CCAR1: variants seen among roughly 807,000 people sequenced by gnomAD.
CCAR1 encodes the protein cell division cycle and apoptosis regulator 1, also known as cell division cycle and apoptosis regulator protein 1.
In CCAR1, 78 loss-of-function variants were observed where a neutral mutation model predicts 163.8. The ratio of observed to expected loss-of-function variants is 0.48; its 90% confidence interval spans 0.40 to 0.57. The LOEUF is 0.57. CCAR1 is among the 20% of genes least tolerant of loss of function. The pLI, the probability that CCAR1 is intolerant of heterozygous loss-of-function variation, is 0.00. For synonymous variants in CCAR1, 443 were observed against 460.7 expected, an observed-to-expected ratio of 0.96 and a Z score of 0.49; for missense variants, 1,019 against 1,365.2, an observed-to-expected ratio of 0.75 and a Z score of 4.00.
chr10:68,752,413 T>C (rs1202937978), intron 10 of CCAR1, among the ~76,000 whole-genome samples: 2 of 152,214 alleles, frequency 1.3e-5, no homozygotes, highest in South Asian at 2.1e-4. Context: ...TGTTTTATTA[T>C]AAATTTTACT....
At chr10:68,764,182 C>G (rs1295028867) in intron 16 of CCAR1, among the ~76,000 whole-genome samples, 1 of 152,146 alleles carries the variant, frequency 6.6e-6, no homozygotes, top group Non-Finnish European at 1.5e-5. Flanking sequence ...CCTATGCTAT[C>G]TCTGCATGGA....
Position 68,791,233 on chromosome 10 carries a change from T to C in CCAR1, c.3420T>C (p.Asp1140=), listed in dbSNP as rs959736780. 1 of 1,599,160 alleles carries C rather than the reference T, an allele frequency of 6.3e-7. No homozygotes were observed. Among genetic ancestry groups the C allele is most frequent in the Non-Finnish European group, 8.6e-7 (1 of 1,168,600 alleles). The change falls in exon 25 of 25, where the codon GAT becomes GAC. Residue 1140 remains aspartate (D), a synonymous_variant. Transcript: ENST00000265872. ...KKDNVKNEDK[D]QKSKENGASV ...ATAATGTAAAGAATGAAGACAAAGA[T>C]CAAAAATCCAAGGAGAATGGTGCCA... is the stretch of plus-strand genomic sequence containing the variant.
rs551798449 is a variant in CCAR1, at chr10:68,751,057, C to T, written c.1118+1372C>T. ...TGTTTTTTTTTTTGAGATGGAGTTT[C>T]GCTCTTGTTCCCCAGGCTGGAGAGC... On this transcript the variant is annotated intron_variant, in intron 10 of 24. Transcript: ENST00000265872. 3.3e-4 allele frequency among the ~76,000 whole-genome samples: 49 copies of T among 147,206 alleles called. No individual in the cohort carries two copies. In the South Asian group the frequency reaches 9.6e-3, roughly 29 times the overall value.
intron 9 of CCAR1, 93 bp downstream of exon 9, chr10:68,749,358 A>G: frequency 7.4e-7 from 1 of 1,359,136 alleles, no homozygotes; most frequent in Non-Finnish European, 9.8e-7. Context: ...ATAATATAAA[A>G]TTTTAAAATG....
chr10:68,788,518 C>G (rs962646771), intron 23 of CCAR1, among the ~76,000 whole-genome samples, 190 bp downstream of exon 23: 1 of 152,186 alleles, frequency 6.6e-6, no homozygotes, highest in Non-Finnish European at 1.5e-5. Flanking sequence ...CAGGGTCTCA[C>G]TCCGTTACCC....
intron 4 of CCAR1, among the ~76,000 whole-genome samples, chr10:68,739,343 G>A (rs2056153465): frequency 6.6e-6 from 1 of 152,044 alleles, no homozygotes; most frequent in African/African-American, 2.4e-5. Context: ...TAGAGACAGG[G>A]TTTCACCATG....
intron 2 of CCAR1, among the ~76,000 whole-genome samples, chr10:68,729,162 T>A (rs1245786333): frequency 1.3e-5 from 2 of 152,190 alleles, no homozygotes; most frequent in Non-Finnish European, 2.9e-5. Flanking sequence ...GGGTAGTGAA[T>A]TGGACAATAC....
Position 68,737,876 on chromosome 10 carries a change from G to C in CCAR1, c.278G>C (p.Ser93Thr). ...QYSQPQQALY[S>T]VQQQLQQPQQ... is the part of the protein sequence containing the mutation. Reference sequence around the variant, plus strand: ...TCACAACCTCAGCAGGCCCTGTATAGTGTGCAACAACAGGTTAGTTTATAT... The same window carrying C: ...TCACAACCTCAGCAGGCCCTGTATACTGTGCAACAACAGGTTAGTTTATAT... The change falls in exon 4 of 25, where the codon AGT becomes ACT. Residue 93 changes from serine to threonine, a missense_variant. Ser to Thr is a moderately conservative substitution (Grantham distance 58, BLOSUM62 1). Transcript: ENST00000265872. 6.3e-7 allele frequency: 1 copy of C among 1,594,378 alleles called. No homozygotes were observed. Among genetic ancestry groups the C allele is most frequent in the Admixed American group, 1.8e-5 (1 of 54,842 alleles).
chr10:68,783,961 T>C (rs2056766776), intron 19 of CCAR1, among the ~76,000 whole-genome samples: 1 of 151,412 alleles, frequency 6.6e-6, no homozygotes, highest in African/African-American at 2.4e-5. Context: ...GGTTTCACCA[T>C]GTTAGCGAGG....
intron 19 of CCAR1, among the ~76,000 whole-genome samples, chr10:68,782,579 A>G (rs1007147663): frequency 6.6e-6 from 1 of 152,244 alleles, no homozygotes; most frequent in South Asian, 2.1e-4. Context: ...AGAGAAGAGC[A>G]TTCAGTGCCT....
At chr10:68,742,627 T>A in intron 6 of CCAR1, 58 bp downstream of exon 6, 1 of 1,337,896 alleles carries the variant, frequency 7.5e-7, no homozygotes, top group East Asian at 2.3e-5. Flanking sequence ...AACACCTGTT[T>A]AGTTGTGGCA....
chr10:68,782,726 A>C (rs1376479729), intron 19 of CCAR1, among the ~76,000 whole-genome samples: 1 of 152,182 alleles, frequency 6.6e-6, no homozygotes, highest in East Asian at 1.9e-4. Flanking sequence ...CCTGTGCCCT[A>C]GAAATTGAAC....
At chr10:68,786,077 G>A in intron 19 of CCAR1, 59 bp from the exon 20 acceptor site, 4 of 1,122,934 alleles carry the variant, frequency 3.6e-6, no homozygotes, top group Non-Finnish European at 5.3e-6. Flanking sequence ...GTGCCACTGT[G>A]CCCACTTGAA....
intron 23 of CCAR1, 38 bp from the exon 24 acceptor site, chr10:68,789,672 A>G: frequency 8.3e-7 from 1 of 1,204,570 alleles, no homozygotes; most frequent in Non-Finnish European, 1.2e-6. Context: ...TTGAAATTTT[A>G]GGAAGTAAAA....
chr10:68,772,239 T>A (rs181198213), intron 18 of CCAR1, among the ~76,000 whole-genome samples: 1 of 152,050 alleles, frequency 6.6e-6, no homozygotes, highest in Non-Finnish European at 1.5e-5. Flanking sequence ...TCCCAGCACA[T>A]TGGGAGTCCA....
At chr10:68,740,436 C>G (rs1193101076) in intron 4 of CCAR1, among the ~76,000 whole-genome samples, 193 bp from the exon 5 acceptor site, 1 of 151,990 alleles carries the variant, frequency 6.6e-6, no homozygotes, top group Non-Finnish European at 1.5e-5. Context: ...TTTGGGAGGC[C>G]AAGGCAAGAG....
At chr10:68,758,240 A>T (rs1215511868) in intron 15 of CCAR1, among the ~76,000 whole-genome samples, 1 of 151,838 alleles carries the variant, frequency 6.6e-6, no homozygotes, top group African/African-American at 2.4e-5. Flanking sequence ...TTTTTAGTAG[A>T]GATGGGATTT....
intron 2 of CCAR1, 140 bp from the exon 3 acceptor site, chr10:68,736,731 CTTAGG>C: frequency 1.6e-6 from 1 of 607,368 alleles, no homozygotes; most frequent in Non-Finnish European, 2.8e-6. Flanking sequence ...TTGATGGACA[CTTAGG>C]TTGATTCCAT....
chr10:68,726,765 A>G (rs909422950), intron 2 of CCAR1, among the ~76,000 whole-genome samples: 2 of 151,934 alleles, frequency 1.3e-5, no homozygotes, highest in African/African-American at 2.4e-5. Context: ...TGGGAGGCCA[A>G]GGCAGGCAGA....
Sources: allele counts gnomAD v4.1 joint callset (sites outside exome capture counted in the v4.1 genomes callset), GRCh38; gene constraint gnomAD v4.1.1; transcripts MANE v1.5; gene names NCBI Gene and HGNC (gene_info 2026-07-23, HGNC 2026-07-21).